SLC8A1: variants seen among roughly 807,000 people sequenced by gnomAD.
SLC8A1 encodes sodium/calcium exchanger 1.
Under a neutral mutation model 68.3 loss-of-function variants are expected in SLC8A1, and 18 were observed. That is an observed-to-expected ratio of 0.26 (90% CI 0.18 to 0.39). SLC8A1 has a LOEUF of 0.39. SLC8A1 is among the 10% of genes least tolerant of loss of function. SLC8A1 has a pLI of 1.00. For synonymous variants in SLC8A1, 475 were observed against 415.5 expected, an observed-to-expected ratio of 1.14 and a Z score of -1.74; for missense variants, 985 against 1,156.7, an observed-to-expected ratio of 0.85 and a Z score of 2.15.
At chr2:40,270,981 T>C (rs1170606928) in intron 2 of SLC8A1, among the ~76,000 whole-genome samples, 4 of 152,170 alleles carry the variant, frequency 2.6e-5, no homozygotes, top group Admixed American at 2.6e-4. Flanking sequence ...TCCTGGCCTA[T>C]GCCCTCTCTC....
At chr2:40,334,612 G>A (rs1181928045) in intron 2 of SLC8A1, among the ~76,000 whole-genome samples, 3 of 151,992 alleles carry the variant, frequency 2.0e-5, no homozygotes, top group African/African-American at 7.3e-5. Context: ...GCACTAAAAG[G>A]GCAGGAATCA....
chr2:40,388,496 C>G (rs1239625979), intron 2 of SLC8A1, among the ~76,000 whole-genome samples: 3 of 152,112 alleles, frequency 2.0e-5, no homozygotes, highest in Non-Finnish European at 4.4e-5. Flanking sequence ...GAGAAGGACC[C>G]ATTTAAAACG....
exon 8 of SLC8A1, chr2:40,098,837 A>C (rs926338861): frequency 2.0e-5 from 3 of 152,026 alleles, no homozygotes; most frequent in African/African-American, 4.8e-5. Flanking sequence ...TGTTTCTTAC[A>C]ATCACATTCA....
At chr2:40,365,172 G>C (rs1048763286) in intron 2 of SLC8A1, among the ~76,000 whole-genome samples, 1 of 151,484 alleles carries the variant, frequency 6.6e-6, no homozygotes, top group African/African-American at 2.4e-5. Flanking sequence ...AAAACCACAG[G>C]GTAGGCAGGA....
intron 7 of SLC8A1, among the ~76,000 whole-genome samples, chr2:40,125,239 T>A (rs570941966): frequency 2.6e-5 from 4 of 152,266 alleles, no homozygotes; most frequent in African/African-American, 9.6e-5. Context: ...ATGAAAAGCA[T>A]CCTATATACT....
Position 40,250,324 on chromosome 2 carries a change from T to C in SLC8A1, c.1809-72469A>G, listed in dbSNP as rs547491075. On this transcript the variant is annotated intron_variant, in intron 2 of 7. Transcript: ENST00000406785. Reference sequence around the variant, plus strand: ...TTTTTTATCTACAAGTTGGGAATAATATATGCATTACGAAGAGATTACAAG... The same window carrying C: ...TTTTTTATCTACAAGTTGGGAATAACATATGCATTACGAAGAGATTACAAG... 6 of 152,286 alleles carry C rather than the reference T, an allele frequency of 3.9e-5. No homozygotes were observed. In the East Asian group the frequency reaches 1.2e-3, roughly 29 times the overall value. 9.4% of individuals were successfully genotyped at this position (152,286 alleles called of 1,614,324 possible). A position where few individuals can be genotyped will look rare whatever the true frequency, so the allele number is the denominator to read the frequency against.
chr2:40,452,005 C>A (rs185128216), exon 1 of SLC8A1: 1 of 151,776 alleles, frequency 6.6e-6, no homozygotes, highest in African/African-American at 2.4e-5. Flanking sequence ...AGGAAGAGGT[C>A]GCTCCCATCT....
chr2:40,447,400 TA>T (rs1701640436), intron 1 of SLC8A1, among the ~76,000 whole-genome samples: 1 of 152,134 alleles, frequency 6.6e-6, no homozygotes, highest in Admixed American at 6.5e-5. Context: ...GGCTACTCTC[TA>T]TCCCTCCCCA....
chr2:40,188,368 C>A lies in SLC8A1; in HGVS notation c.1809-10513G>T, dbSNP rs1490267791. Among the ~76,000 whole-genome samples the A allele has an allele frequency of 2.6e-5, 4 of 152,180 alleles. No individual in the cohort carries two copies. The South Asian group carries it at 8.3e-4, about 32-fold the overall frequency. ...CATCTTTTCTAGAAATGAAACACAT[C>A]AACATCTTTGTCTGGTTCAGTTTTA... On this transcript the variant is annotated intron_variant, in intron 2 of 7. Transcript: ENST00000406785.
At chr2:40,446,210 G>A (rs770103036) in intron 1 of SLC8A1, among the ~76,000 whole-genome samples, 83 of 152,192 alleles carry the variant, frequency 5.5e-4, no homozygotes, top group Non-Finnish European at 9.8e-4. Flanking sequence ...TCTGTCTCTT[G>A]CCTCACCTCT....
intron 2 of SLC8A1, among the ~76,000 whole-genome samples, chr2:40,271,116 T>A (rs1307204779): frequency 6.6e-6 from 1 of 151,956 alleles, no homozygotes; most frequent in African/African-American, 2.4e-5. Flanking sequence ...AGTATGCCAC[T>A]CCCGTATTCA....
intron 7 of SLC8A1, among the ~76,000 whole-genome samples, chr2:40,119,488 A>G (rs1378183682): frequency 6.6e-6 from 1 of 152,204 alleles, no homozygotes; most frequent in African/African-American, 2.4e-5. Context: ...GCAATACATC[A>G]CATACCATAT....
chr2:40,181,748 TCAGAA>T (rs2148588587), intron 2 of SLC8A1, among the ~76,000 whole-genome samples: 1 of 152,300 alleles, frequency 6.6e-6, no homozygotes, highest in East Asian at 1.9e-4. Context: ...ACCTTTTGCT[TCAGAA>T]CAGAACAATT....
intron 2 of SLC8A1, among the ~76,000 whole-genome samples, chr2:40,416,515 T>C (rs955181791): frequency 1.3e-5 from 2 of 152,210 alleles, no homozygotes; most frequent in African/African-American, 4.8e-5. Flanking sequence ...TTCAGTGTTA[T>C]GTCATTTTTT....
exon 8 of SLC8A1, chr2:40,099,103 C>T (rs2033744411): frequency 6.6e-6 from 1 of 151,958 alleles, no homozygotes; most frequent in South Asian, 2.1e-4. Flanking sequence ...ATACTTTATG[C>T]AAGCATTTCT....
intron 2 of SLC8A1, among the ~76,000 whole-genome samples, chr2:40,291,394 T>C (rs1185094651): frequency 6.6e-6 from 1 of 152,158 alleles, no homozygotes; most frequent in Non-Finnish European, 1.5e-5. Flanking sequence ...ATCAATGCTT[T>C]GCATCAACAA....
At chr2:40,421,173 A>T (rs1695402007) in intron 2 of SLC8A1, among the ~76,000 whole-genome samples, 1 of 151,984 alleles carries the variant, frequency 6.6e-6, no homozygotes, top group Admixed American at 6.6e-5. Context: ...CACCTCCAAC[A>T]TATCTAGAAC....
intron 1 of SLC8A1, among the ~76,000 whole-genome samples, chr2:40,439,777 G>T (rs1350772791): frequency 6.6e-6 from 1 of 152,018 alleles, no homozygotes; most frequent in Non-Finnish European, 1.5e-5. Flanking sequence ...GTCCTTGAAA[G>T]AATAAGCTCT....
intron 7 of SLC8A1, among the ~76,000 whole-genome samples, chr2:40,133,498 A>G (rs2039835033): frequency 6.6e-6 from 1 of 152,122 alleles, no homozygotes; most frequent in South Asian, 2.1e-4. Flanking sequence ...GGATAAAAGA[A>G]TATTCGAAAC....
Sources: gnomAD v4.1 joint callset for allele counts (sites outside exome capture counted in the v4.1 genomes callset) on GRCh38, gnomAD v4.1.1 for gene constraint, MANE v1.5 for transcripts, NCBI Gene and HGNC (gene_info 2026-07-23, HGNC 2026-07-21) for gene names.